Variants in PXK observed in about 807,000 individuals in gnomAD.
The protein encoded by PXK is PX domain containing serine/threonine kinase like.
A neutral mutation model predicts 84.7 loss-of-function variants in PXK; 35 were observed. That is an observed-to-expected ratio of 0.41 (90% confidence interval 0.32 to 0.55). The LOEUF (loss-of-function observed/expected upper bound fraction) is 0.55, where lower values mean the gene tolerates loss of function less well. Ranked by LOEUF, PXK falls within the 20% of genes least tolerant of loss-of-function variation. The pLI, the probability that PXK is intolerant of heterozygous loss-of-function variation, is 0.21. For synonymous variants in PXK, 253 were observed against 260.8 expected (o/e 0.97, Z 0.29); for missense variants, 634 against 699.7 (o/e 0.91, Z 1.06).
At chr3:58,345,855 T>C (rs2097805166) in intron 1 of PXK, among the ~76,000 whole-genome samples, 1 of 152,234 alleles carries the variant, frequency 6.6e-6, no homozygotes, top group African/African-American at 2.4e-5. Context: ...AACGTATATA[T>C]CCTGAAACAC....
intron 1 of PXK, among the ~76,000 whole-genome samples, chr3:58,336,080 T>A (rs1288996690): frequency 2.8e-4 from 35 of 126,538 alleles, no homozygotes; most frequent in African/African-American, 1.2e-3. Context: ...TATTTTTTTT[T>A]TTTTTTTTTA....
In PXK at chr3:58,409,505, A is replaced by G; in HGVS notation, c.1309-27A>G. 2 of 1,594,420 alleles carry G rather than the reference A, an allele frequency of 1.3e-6. No individual in the cohort carries two copies. Among genetic ancestry groups the G allele is most frequent in the Admixed American group, 1.7e-5 (1 of 58,372 alleles). On this transcript the variant is annotated intron_variant, in intron 14 of 17. Transcript: ENST00000356151. This position sits in a 1 kb window ranked among gnomAD's most constrained non-coding sequence, Gnocchi z 4.2. Reference sequence around the variant, plus strand: ...ATTAGGAAGCTGCCTTATGTGGGATATGCTTACATCTTATGGTCTTTTAAA... The same window carrying G: ...ATTAGGAAGCTGCCTTATGTGGGATGTGCTTACATCTTATGGTCTTTTAAA...
At position 58,390,105 on chromosome 3, in the gene PXK, G is replaced by A. The variant is rs56397358; in HGVS notation, c.389-477G>A. 2.9e-3 allele frequency among the ~76,000 whole-genome samples: 438 copies of A among 151,988 alleles called. 2 individuals carry two copies. Among genetic ancestry groups the A allele is most frequent in the Non-Finnish European group, 4.6e-3 (311 of 67,978 alleles). On this transcript the variant is annotated intron_variant, in intron 4 of 17. Coordinates refer to ENST00000356151, the MANE Select transcript of PXK (RefSeq NM_017771.5). The surrounding 1 kb of genome is among the most constrained non-coding windows in gnomAD (Gnocchi z 4.2). ...AGGTGGGAGGATCACTTGAGCCCAGGAGGTTGAGTTTGCAGTGAGCCATGA... is the reference window on the plus strand; with the variant it reads ...AGGTGGGAGGATCACTTGAGCCCAGAAGGTTGAGTTTGCAGTGAGCCATGA...
At chr3:58,406,749 C>T (rs1253921504) in intron 13 of PXK, among the ~76,000 whole-genome samples, 1 of 152,172 alleles carries the variant, frequency 6.6e-6, no homozygotes, top group Non-Finnish European at 1.5e-5. Flanking sequence ...CCCACAGCTC[C>T]GGGCAATCAC....
chr3:58,373,941 A>T (rs1274449916), intron 3 of PXK, among the ~76,000 whole-genome samples: 1 of 150,390 alleles, frequency 6.6e-6, no homozygotes, highest in East Asian at 2.0e-4. Flanking sequence ...GCTACTCGGG[A>T]GGCTGAGGCA....
At chr3:58,422,605 C>G in intron 17 of PXK, 1 of 985,410 alleles carries the variant, frequency 1.0e-6, no homozygotes, top group African/African-American at 1.7e-5. Flanking sequence ...CTGAACCCCA[C>G]CCTCAACTCC....
At chr3:58,424,485 C>T (rs1158151003) in intron 17 of PXK, among the ~76,000 whole-genome samples, 3 of 152,160 alleles carry the variant, frequency 2.0e-5, no homozygotes, top group Admixed American at 6.6e-5. Context: ...GAGAATGTCA[C>T]CATATGTGGT....
intron 3 of PXK, among the ~76,000 whole-genome samples, chr3:58,376,046 AT>A (rs1184821357): frequency 3.3e-5 from 5 of 152,202 alleles, no homozygotes; most frequent in Admixed American, 3.3e-4. Flanking sequence ...ATTATTAGAC[AT>A]GTTTTAGGTC....
At chr3:58,384,871 G>A (rs573681613) in intron 4 of PXK, among the ~76,000 whole-genome samples, 1 of 152,272 alleles carries the variant, frequency 6.6e-6, no homozygotes, top group African/African-American at 2.4e-5. Context: ...GAGTCCCATG[G>A]GGTCAGAGCT....
intron 1 of PXK, among the ~76,000 whole-genome samples, chr3:58,349,319 A>G (rs1339292501): frequency 6.6e-6 from 1 of 151,900 alleles, no homozygotes; most frequent in Non-Finnish European, 1.5e-5. Context: ...GCAAGTCATA[A>G]CACACTATGT....
rs2098479986 is a variant in PXK at position 58,379,708 on chromosome 3, A to G, written c.202-2806A>G. Reference sequence around the variant, plus strand: ...GCTATTAAGGAAGAAAAAGAATAGAAAAGAGTACTTACAAATAAAAAGTAA... The same window carrying G: ...GCTATTAAGGAAGAAAAAGAATAGAGAAGAGTACTTACAAATAAAAAGTAA... On this transcript the variant is annotated intron_variant, in intron 3 of 17. Transcript: ENST00000356151. The surrounding 1 kb of genome is among the most constrained non-coding windows in gnomAD (Gnocchi z 5.1). 6.6e-6 allele frequency among the ~76,000 whole-genome samples: 1 copy of G among 152,210 alleles called. No individual in the cohort carries two copies. The highest frequency in any genetic ancestry group is 1.5e-5 in the Non-Finnish European group (1 of 68,040).
rs1375775731 is a variant in PXK at position 58,379,926 on chromosome 3, C to T, written c.202-2588C>T. 6.6e-6 allele frequency among the ~76,000 whole-genome samples: 1 copy of T among 152,002 alleles called. No individual in the cohort carries two copies. Among genetic ancestry groups the T allele is most frequent in the African/African-American group, 2.4e-5 (1 of 41,374 alleles). On this transcript the variant is annotated intron_variant, in intron 3 of 17. Transcript: ENST00000356151. This position sits in a 1 kb window ranked among gnomAD's most constrained non-coding sequence, Gnocchi z 5.1. ...GGTCGAGGCTACAGTGAGCGGTGAT[C>T]ATGCCACTGCACTTTAGCCTGGGTG... is the stretch of plus-strand genomic sequence containing the variant.
chr3:58,404,998 A>C (rs73837604), intron 13 of PXK, among the ~76,000 whole-genome samples: 19,764 of 152,242 alleles, frequency 0.13, 1,962 homozygotes, highest in African/African-American at 0.27. Flanking sequence ...CCTTGTCAAT[A>C]AATATATTCT....
chr3:58,382,695 A>C lies in PXK; in HGVS notation c.383A>C (p.Tyr128Ser). The C allele has an allele frequency of 6.4e-7, 1 of 1,555,462 alleles. No homozygotes were observed. The highest frequency in any genetic ancestry group is 2.4e-5 in the East Asian group (1 of 42,442). ...GATCCAAACAACTATTCCGCAAACT[A>C]TACTGGTAAGCGAAGGAATCTGTGA... ...FLDPNNYSAN[Y>S]TEIALQQVSM... is the part of the protein sequence containing the mutation. The change falls in exon 4 of 18, where the codon TAT becomes TCT. Residue 128 changes from tyrosine to serine, a missense_variant. This residue lies in a region of PXK where 353 missense variants were observed against 385.2 expected (regional missense o/e 0.92). Transcript: ENST00000356151.
At chr3:58,336,073 T>TATATA (rs61148829) in intron 1 of PXK, among the ~76,000 whole-genome samples, 654 of 31,160 alleles carry the variant, frequency 0.021, no homozygotes, top group Non-Finnish European at 0.023. Context: ...ATATATATAT[T>TATATA]TTTTTTTTTT....
At chr3:58,420,594 A>G in intron 17 of PXK, 2 of 1,536,056 alleles carry the variant, frequency 1.3e-6, no homozygotes, top group Non-Finnish European at 1.7e-6. Context: ...CTGATTTCTC[A>G]GACTTTAAAG....
chr3:58,346,745 C>A (rs1400951743), intron 1 of PXK, among the ~76,000 whole-genome samples: 2 of 151,558 alleles, frequency 1.3e-5, no homozygotes, highest in African/African-American at 4.9e-5. Flanking sequence ...GTAGCCTCAA[C>A]CTTCTGGGCT....
rs548781022 is a variant in PXK, at chr3:58,422,058, T to C, written c.1529-2694T>C. ...TTTGTCACAGGCCAAATGGTAACTT[T>C]CATTTGGCCCTTGTTGCCCCTGCCC... is the stretch of plus-strand genomic sequence containing the variant. On this transcript the variant is annotated intron_variant, in intron 17 of 17. Coordinates refer to ENST00000356151, the MANE Select transcript of PXK (RefSeq NM_017771.5). 69 of 985,370 alleles carry C rather than the reference T, an allele frequency of 7.0e-5. No homozygotes were observed. The Middle Eastern group carries it at 2.1e-3, about 30-fold the overall frequency. The allele number at this position is 985,370 out of a possible 1,614,324, so 61.0% of individuals were successfully genotyped here.
intron 17 of PXK, chr3:58,420,519 CTCTT>C (rs1219067122): frequency 1.6e-5 from 24 of 1,535,890 alleles, no homozygotes; most frequent in South Asian, 3.6e-5. Flanking sequence ...TTCTCTCTCT[CTCTT>C]TGCTGTTTTC....
Sources: gnomAD v4.1 joint callset for allele counts (sites outside exome capture counted in the v4.1 genomes callset) on GRCh38, gnomAD v4.1.1 for gene constraint, gnomAD v4.1.1 regional missense constraint, Gnocchi (gnomAD v3.1) non-coding constraint, MANE v1.5 for transcripts, NCBI Gene and HGNC (gene_info 2026-07-23, HGNC 2026-07-21) for gene names.